Variants in SORBS2 observed in about 807,000 individuals in gnomAD.
The protein encoded by SORBS2 is sorbin and SH3 domain containing 2, also known as sorbin and SH3 domain-containing protein 2.
In SORBS2, 46 loss-of-function variants were observed where a neutral mutation model predicts 97.7. The ratio of observed to expected loss-of-function variants is 0.47; its 90% CI spans 0.37 to 0.60. The LOEUF is 0.60. SORBS2 is among the 20% of genes least tolerant of loss of function. SORBS2 has a pLI of 0.00. For synonymous variants in SORBS2, 476 were observed against 473.4 expected (o/e 1.01, Z -0.07); for missense variants, 1,316 against 1,282.3 (o/e 1.03, Z -0.40).
intron 1 of SORBS2, among the ~76,000 whole-genome samples, chr4:185,949,882 A>G (rs570117103): frequency 6.6e-6 from 1 of 152,266 alleles, no homozygotes; most frequent in Admixed American, 6.5e-5. Flanking sequence ...CCAGCAGCTC[A>G]CCATAATAAC....
chr4:185,802,490 G>A lies in SORBS2; in HGVS notation c.-337-27124C>T, dbSNP rs147065581. On this transcript the variant is annotated intron_variant, in intron 1 of 20. Transcript: ENST00000284776. ...TGTACCCAGAACTTAGGTCTTTCTC[G>A]CTCTCCACGTTCCCTATCAAGGCCA... Among the ~76,000 whole-genome samples, 405 of 152,214 alleles carry A rather than the reference G, an allele frequency of 2.7e-3. 1 individual carries two copies. The highest frequency in any genetic ancestry group is 4.7e-3 in the Non-Finnish European group (318 of 68,022).
intron 4 of SORBS2, among the ~76,000 whole-genome samples, chr4:185,673,539 A>G (rs2097751704): frequency 6.6e-6 from 1 of 152,234 alleles, no homozygotes; most frequent in Non-Finnish European, 1.5e-5. Context: ...TTATTTAATG[A>G]TGATGACAGC....
At chr4:185,906,182 C>T (rs1415133677) in intron 1 of SORBS2, among the ~76,000 whole-genome samples, 1 of 152,162 alleles carries the variant, frequency 6.6e-6, no homozygotes, top group East Asian at 1.9e-4. Flanking sequence ...TACTGGCATG[C>T]ACCACCATGC....
At chr4:185,846,075 T>C (rs2099214358) in intron 1 of SORBS2, among the ~76,000 whole-genome samples, 1 of 152,194 alleles carries the variant, frequency 6.6e-6, no homozygotes, top group East Asian at 1.9e-4. Flanking sequence ...TGAAAACATA[T>C]GTTCATACAA....
At chr4:185,665,487 C>T (rs371356563) in intron 4 of SORBS2, among the ~76,000 whole-genome samples, 420 of 152,258 alleles carry the variant, frequency 2.8e-3, no homozygotes, top group Non-Finnish European at 4.9e-3. Context: ...TACAGTAACA[C>T]GGGAAACCGT....
Position 185,953,037 on chromosome 4 carries a change from G to A in SORBS2, c.-338+3159C>T, listed in dbSNP as rs532517373. ...GGTCTCTTCAAATGTTTCCCAGGCC[G>A]GGCGCGGTGGCTCACGCCTGTAATC... On this transcript the variant is annotated intron_variant, in intron 1 of 20. Transcript: ENST00000284776. Among the ~76,000 whole-genome samples, 179 of 152,280 alleles carry A rather than the reference G, an allele frequency of 1.2e-3. 2 individuals carry two copies. Among genetic ancestry groups the A allele is most frequent in the African/African-American group, 3.9e-3 (164 of 41,570 alleles).
At chr4:185,682,392 C>T (rs1046350056) in intron 2 of SORBS2, among the ~76,000 whole-genome samples, 10 of 152,096 alleles carry the variant, frequency 6.6e-5, no homozygotes, top group African/African-American at 2.4e-4. Context: ...TTAAAATATC[C>T]GTGTGTGCTC....
intron 1 of SORBS2, among the ~76,000 whole-genome samples, chr4:185,787,210 G>A (rs75504784): frequency 1.7e-3 from 264 of 152,142 alleles, no homozygotes; most frequent in Non-Finnish European, 3.0e-3. Flanking sequence ...GTGGCTGGTC[G>A]CTAGAATGTA....
chr4:185,599,891 G>A (rs1260683140), intron 12 of SORBS2, among the ~76,000 whole-genome samples: 1 of 144,016 alleles, frequency 6.9e-6, no homozygotes, highest in African/African-American at 2.7e-5. Context: ...AGCCAGCCCT[G>A]GGGGCGGGGG....
intron 1 of SORBS2, among the ~76,000 whole-genome samples, chr4:185,875,180 G>T (rs2149755216): frequency 6.6e-6 from 1 of 152,208 alleles, no homozygotes; most frequent in Non-Finnish European, 1.5e-5. Context: ...ATAAATGCAA[G>T]ATATCTATTG....
intron 2 of SORBS2, among the ~76,000 whole-genome samples, chr4:185,750,571 A>G (rs1377481938): frequency 6.6e-6 from 1 of 152,210 alleles, no homozygotes; most frequent in Admixed American, 6.5e-5. Flanking sequence ...AGTCCCCAAC[A>G]TCCGATCCTT....
At chr4:185,828,567 CAG>C (rs1175602565) in intron 1 of SORBS2, among the ~76,000 whole-genome samples, 3 of 151,994 alleles carry the variant, frequency 2.0e-5, no homozygotes, top group Non-Finnish European at 2.9e-5. Flanking sequence ...AAAGAAAAGA[CAG>C]AGTTTCCCTG....
intron 1 of SORBS2, among the ~76,000 whole-genome samples, chr4:185,947,724 T>C (rs2099275216): frequency 6.6e-6 from 1 of 152,178 alleles, no homozygotes; most frequent in South Asian, 2.1e-4. Context: ...GATTCTCCTG[T>C]CTCAGCCTTC....
At chr4:185,757,482 T>G (rs1157875354) in intron 2 of SORBS2, among the ~76,000 whole-genome samples, 1 of 152,260 alleles carries the variant, frequency 6.6e-6, no homozygotes, top group Non-Finnish European at 1.5e-5. Context: ...TCTTGTTAAC[T>G]TTGTATTTGA....
intron 2 of SORBS2, among the ~76,000 whole-genome samples, chr4:185,749,103 C>A (rs1019706661): frequency 7.2e-5 from 11 of 152,172 alleles, no homozygotes; most frequent in African/African-American, 2.7e-4. Context: ...CCACAGCCAC[C>A]AGTAGGGATC....
intron 1 of SORBS2, among the ~76,000 whole-genome samples, chr4:185,827,904 C>A (rs1036456761): frequency 1.5e-5 from 2 of 132,798 alleles, no homozygotes; most frequent in Non-Finnish European, 3.4e-5. Flanking sequence ...CCATCATCAT[C>A]ATACCATCAT....
intron 2 of SORBS2, among the ~76,000 whole-genome samples, chr4:185,753,387 T>G (rs1461318583): frequency 4.6e-5 from 7 of 152,222 alleles, no homozygotes; most frequent in African/African-American, 1.7e-4. Context: ...GCAAAATACT[T>G]TGTAAAAAGA....
At chr4:185,659,046 G>C (rs1048937218), upstream of SORBS2, among the ~76,000 whole-genome samples, 1 of 151,912 alleles carries the variant, frequency 6.6e-6, no homozygotes, top group African/African-American at 2.4e-5. Context: ...ATCAATATAA[G>C]GGTAATTAAA....
intron 1 of SORBS2, among the ~76,000 whole-genome samples, chr4:185,817,708 A>G (rs2099194144): frequency 6.6e-6 from 1 of 152,218 alleles, no homozygotes; most frequent in African/African-American, 2.4e-5. Context: ...ATTTTAAAAC[A>G]AATGCTTCTG....
Sources: allele counts gnomAD v4.1 joint callset (sites outside exome capture counted in the v4.1 genomes callset), GRCh38; gene constraint gnomAD v4.1.1; transcripts MANE v1.5; gene names NCBI Gene and HGNC (gene_info 2026-07-23, HGNC 2026-07-21).